FAM241A: variants seen among roughly 807,000 people sequenced by gnomAD.
The protein encoded by FAM241A is uncharacterized protein FAM241A.
FAM241A carries 7 observed loss-of-function variants against 12.2 expected under a neutral mutation model. That is an observed-to-expected ratio of 0.58 (90% CI 0.33 to 1.08). The LOEUF is 1.08. Ranked by LOEUF, FAM241A falls within the 50% of genes least tolerant of loss-of-function variation. FAM241A has a pLI of 0.04. For synonymous variants in FAM241A, 74 were observed against 68.2 expected, an observed-to-expected ratio of 1.08 and a Z score of -0.42; for missense variants, 161 against 169.7, an observed-to-expected ratio of 0.95 and a Z score of 0.29.
chr4:112,171,516 G>T, intron 1 of FAM241A: 1 of 766,146 alleles, frequency 1.3e-6, no homozygotes, highest in South Asian at 1.3e-5. Context: ...AAAGGCCCAA[G>T]TGATTCAGTT....
intron 1 of FAM241A, among the ~76,000 whole-genome samples, chr4:112,176,372 C>T (rs1357446668): frequency 1.3e-5 from 2 of 152,144 alleles, no homozygotes; most frequent in African/African-American, 4.8e-5. Flanking sequence ...TATCTGTTTT[C>T]TTATCACAAC....
chr4:112,155,136 C>G (rs1222830462), intron 1 of FAM241A, among the ~76,000 whole-genome samples: 1 of 152,076 alleles, frequency 6.6e-6, no homozygotes, highest in Non-Finnish European at 1.5e-5. Context: ...AAGCCCTTCT[C>G]TTATTTAATT....
At chr4:112,179,899 G>T (rs2110433499) in intron 1 of FAM241A, among the ~76,000 whole-genome samples, 1 of 86,788 alleles carries the variant, frequency 1.2e-5, no homozygotes, top group East Asian at 4.5e-4. Flanking sequence ...ATGGTGGATT[G>T]CATAAAGAAA....
chr4:112,184,951 CA>C, intron 1 of FAM241A, among the ~76,000 whole-genome samples: 1 of 152,138 alleles, frequency 6.6e-6, no homozygotes, highest in Non-Finnish European at 1.5e-5. Context: ...AAAATTTCCT[CA>C]AATTCATTGG....
Position 112,167,108 on chromosome 4 carries a change from C to T in FAM241A, c.154-19585C>T, listed in dbSNP as rs1434795457. On this transcript the variant is annotated intron_variant, in intron 1 of 1. Transcript: ENST00000309733. The stretch of plus-strand genomic sequence containing the variant: ...CAGCCTGGGCGACAGAGCGAGACTC[C>T]GTCTCAAAAAAAAAAAAAATAAAAA... Among the ~76,000 whole-genome samples the T allele has an allele frequency of 3.6e-5, 5 of 138,674 alleles. No homozygotes were observed. The East Asian group carries it at 8.7e-4, about 24-fold the overall frequency. 91.0% of individuals were successfully genotyped at this position (138,674 alleles called of 152,430 possible). A position where few individuals can be genotyped will look rare whatever the true frequency, so the allele number is the denominator to read the frequency against.
chr4:112,160,425 G>C (rs926838688), intron 1 of FAM241A, among the ~76,000 whole-genome samples: 1 of 143,244 alleles, frequency 7.0e-6, no homozygotes. Context: ...AAAAAGGAAA[G>C]ATATTGCATG....
At chr4:112,166,903 A>G (rs1723609035) in intron 1 of FAM241A, among the ~76,000 whole-genome samples, 1 of 147,724 alleles carries the variant, frequency 6.8e-6, no homozygotes, top group Non-Finnish European at 1.5e-5. Flanking sequence ...TCACGAGGTC[A>G]GGAGATCGAG....
chr4:112,152,534 C>A (rs1441768880), intron 1 of FAM241A, among the ~76,000 whole-genome samples: 2 of 152,184 alleles, frequency 1.3e-5, no homozygotes, highest in Admixed American at 1.3e-4. Flanking sequence ...TCTCTTCTAG[C>A]AGCTCCTCGT....
intron 1 of FAM241A, among the ~76,000 whole-genome samples, chr4:112,168,977 A>G (rs1723656427): frequency 6.6e-6 from 1 of 152,178 alleles, no homozygotes; most frequent in Admixed American, 6.5e-5. Context: ...GGATACTTCT[A>G]TTAGTCATGC....
intron 1 of FAM241A, among the ~76,000 whole-genome samples, chr4:112,168,314 CT>C (rs1331443581): frequency 4.6e-5 from 7 of 152,116 alleles, no homozygotes; most frequent in Non-Finnish European, 5.9e-5. Context: ...AGCAATTAAA[CT>C]TTTTTTCCCT....
chr4:112,162,162 C>T (rs757025701), intron 1 of FAM241A, among the ~76,000 whole-genome samples: 3 of 152,066 alleles, frequency 2.0e-5, no homozygotes, highest in African/African-American at 7.2e-5. Context: ...ACGTATCTCA[C>T]AATAATAAGA....
chr4:112,158,926 G>C (rs1723407088), intron 1 of FAM241A, among the ~76,000 whole-genome samples: 3 of 152,006 alleles, frequency 2.0e-5, no homozygotes, highest in South Asian at 4.2e-4. Flanking sequence ...TTGAACACTA[G>C]ATTTTTTCTG....
At chr4:112,173,358 T>G (rs1006400765) in intron 1 of FAM241A, among the ~76,000 whole-genome samples, 79 of 152,232 alleles carry the variant, frequency 5.2e-4, no homozygotes, top group Non-Finnish European at 1.9e-4. Context: ...AAAAATAGGT[T>G]TGAGTGTGAC....
Position 112,186,978 on chromosome 4 carries a change from A to G in FAM241A, c.*40A>G, listed in dbSNP as rs201921265. Reference sequence around the variant, plus strand: ...GAATTGTTTGACATTTGGTAGCCATATATGTAATTGAAGAAGTTATATATT... The same window carrying G: ...GAATTGTTTGACATTTGGTAGCCATGTATGTAATTGAAGAAGTTATATATT... On this transcript the variant is annotated 3_prime_UTR_variant, in exon 2 of 2. Transcript: ENST00000309733. The G allele has an allele frequency of 1.3e-5, 20 of 1,579,496 alleles. No individual in the cohort carries two copies. The highest frequency in any genetic ancestry group is 2.6e-6 in the Non-Finnish European group (3 of 1,162,852).
Position 112,145,465 on chromosome 4 carries a change from T to C in FAM241A, c.-116T>C, listed in dbSNP as rs935798344. On this transcript the variant is annotated 5_prime_UTR_variant, in exon 1 of 2. Coordinates refer to ENST00000309733, the MANE Select transcript of FAM241A (RefSeq NM_152400.3). ...GGCCGGCGGGGCGCGCTCCGGCGGC[T>C]CCTGTCAGCGGCGGGTGCGGCGGAT... 1 of 1,054,850 alleles carries C rather than the reference T, an allele frequency of 9.5e-7. No homozygotes were observed. The highest frequency in any genetic ancestry group is 1.2e-6 in the Non-Finnish European group (1 of 841,188). 65.3% of individuals were successfully genotyped at this position (1,054,850 alleles called of 1,614,324 possible).
intron 1 of FAM241A, among the ~76,000 whole-genome samples, chr4:112,147,537 C>G (rs750733441): frequency 2.0e-4 from 31 of 151,964 alleles, no homozygotes; most frequent in Non-Finnish European, 4.4e-4. Flanking sequence ...GCCTTGTTTT[C>G]TAGTTTTTTT....
At chr4:112,167,361 A>C (rs76457789) in intron 1 of FAM241A, among the ~76,000 whole-genome samples, 8,874 of 152,246 alleles carry the variant, frequency 0.058, 331 homozygotes, top group Middle Eastern at 0.088. Flanking sequence ...AAAGAGAAAA[A>C]GGGAGATGAA....
At chr4:112,179,557 G>A (rs1723886922) in intron 1 of FAM241A, among the ~76,000 whole-genome samples, 1 of 151,940 alleles carries the variant, frequency 6.6e-6, no homozygotes, top group African/African-American at 2.4e-5. Flanking sequence ...GGGGCCTGTA[G>A]TGGGGTGGGG....
intron 1 of FAM241A, among the ~76,000 whole-genome samples, chr4:112,152,066 C>A (rs1723254975): frequency 1.3e-5 from 2 of 152,200 alleles, no homozygotes; most frequent in African/African-American, 4.8e-5. Context: ...CTAACTTAAT[C>A]TCATCTTGTT....
Sources: allele counts gnomAD v4.1 joint callset (sites outside exome capture counted in the v4.1 genomes callset), GRCh38; gene constraint gnomAD v4.1.1; transcripts MANE v1.5; gene names NCBI Gene and HGNC (gene_info 2026-07-23, HGNC 2026-07-21).